The following DTWD2 variants were observed in gnomAD, a reference collection of about 807,000 sequenced individuals.
DTWD2 encodes tRNA-uridine aminocarboxypropyltransferase 2.
A neutral mutation model predicts 31.8 loss-of-function variants in DTWD2; 39 were observed. The observed-to-expected ratio is 1.22, with a 90% CI of 0.95 to 1.60. The LOEUF (loss-of-function observed/expected upper bound fraction) is 1.60, where lower values mean the gene tolerates loss of function less well. Among genes scored for constraint, DTWD2 ranks in the 40% most tolerant of loss-of-function variants. DTWD2 has a pLI of 0.00. For missense variants in DTWD2, 515 were observed against 381.5 expected (o/e 1.35, Z -2.92); for synonymous variants, 180 against 142.8 (o/e 1.26, Z -1.86).
At chr5:118,938,208 C>T (rs1006234275) in intron 3 of DTWD2, among the ~76,000 whole-genome samples, 3 of 150,832 alleles carry the variant, frequency 2.0e-5, no homozygotes, top group African/African-American at 7.3e-5. Flanking sequence ...TATTGCAATG[C>T]GGCAAGGAAA....
chr5:118,987,736 G>A (rs1580459693), intron 1 of DTWD2, among the ~76,000 whole-genome samples: 1 of 152,196 alleles, frequency 6.6e-6, no homozygotes, highest in Non-Finnish European at 1.5e-5. Context: ...CTGGTGTTCC[G>A]AAGAAAGGTC....
chr5:118,923,061 C>T (rs887293684), intron 4 of DTWD2, among the ~76,000 whole-genome samples: 1 of 151,416 alleles, frequency 6.6e-6, no homozygotes, highest in Non-Finnish European at 1.5e-5. Context: ...CAATTTATAA[C>T]ACTGGGAAAA....
chr5:118,929,561 T>A (rs1280439846), intron 3 of DTWD2, among the ~76,000 whole-genome samples: 1 of 152,142 alleles, frequency 6.6e-6, no homozygotes, highest in Non-Finnish European at 1.5e-5. Flanking sequence ...TCTGCTGTGA[T>A]TCTGGGGACT....
intron 1 of DTWD2, among the ~76,000 whole-genome samples, chr5:118,951,698 G>A (rs1754469299): frequency 1.3e-5 from 2 of 152,128 alleles, no homozygotes; most frequent in Non-Finnish European, 2.9e-5. Flanking sequence ...AGAAGAAGGA[G>A]GAATGGAGGG....
intron 4 of DTWD2, among the ~76,000 whole-genome samples, chr5:118,911,853 G>C (rs1024079226): frequency 1.3e-5 from 2 of 152,126 alleles, no homozygotes; most frequent in African/African-American, 4.8e-5. Flanking sequence ...TGGCAAGATG[G>C]CCATCAGCAA....
intron 4 of DTWD2, among the ~76,000 whole-genome samples, chr5:118,876,905 C>T (rs1752633517): frequency 6.6e-6 from 1 of 152,172 alleles, no homozygotes; most frequent in Non-Finnish European, 1.5e-5. Flanking sequence ...GATACCAAAA[C>T]CTGGCAGAGA....
intron 1 of DTWD2, among the ~76,000 whole-genome samples, chr5:118,985,086 C>G (rs987694611): frequency 2.6e-5 from 4 of 152,002 alleles, no homozygotes; most frequent in African/African-American, 9.7e-5. Context: ...TTTTGCCCTT[C>G]CTGGGGCAAC....
intron 4 of DTWD2, among the ~76,000 whole-genome samples, chr5:118,898,857 T>G (rs1480975434): frequency 6.6e-6 from 1 of 152,236 alleles, no homozygotes; most frequent in Non-Finnish European, 1.5e-5. Flanking sequence ...CTTAGCCTAC[T>G]TGCACACTTG....
intron 4 of DTWD2, among the ~76,000 whole-genome samples, chr5:118,925,735 C>G (rs189908611): frequency 6.6e-6 from 1 of 151,786 alleles, no homozygotes; most frequent in African/African-American, 2.4e-5. Context: ...GTCCCAGCTA[C>G]TCAGGAGGCT....
intron 4 of DTWD2, among the ~76,000 whole-genome samples, chr5:118,921,098 C>T (rs948969185): frequency 2.6e-5 from 4 of 152,078 alleles, no homozygotes; most frequent in Admixed American, 6.6e-5. Flanking sequence ...AATGTTCCTT[C>T]AAGTTAACTC....
chr5:118,958,375 G>A (rs967881222), intron 1 of DTWD2, among the ~76,000 whole-genome samples: 1 of 151,908 alleles, frequency 6.6e-6, no homozygotes, highest in Non-Finnish European at 1.5e-5. Flanking sequence ...GGAGAATGGC[G>A]TGAATCCGGG....
At chr5:118,932,708 C>CATAT (rs1248685892) in intron 3 of DTWD2, among the ~76,000 whole-genome samples, 1 of 152,098 alleles carries the variant, frequency 6.6e-6, no homozygotes, top group East Asian at 1.9e-4. Flanking sequence ...GAGGGACAAC[C>CATAT]ATATGAACAG....
At chr5:118,907,341 A>G (rs1753355133) in intron 4 of DTWD2, among the ~76,000 whole-genome samples, 1 of 152,122 alleles carries the variant, frequency 6.6e-6, no homozygotes, top group Non-Finnish European at 1.5e-5. Context: ...CTATTAGGAT[A>G]TATATAGAGA....
intron 1 of DTWD2, among the ~76,000 whole-genome samples, chr5:118,952,812 A>G (rs1754495683): frequency 6.6e-6 from 1 of 152,206 alleles, no homozygotes; most frequent in Non-Finnish European, 1.5e-5. Flanking sequence ...CACATTGCTT[A>G]TGCTCCAAGA....
intron 4 of DTWD2, among the ~76,000 whole-genome samples, chr5:118,884,947 G>A (rs1332738804): frequency 7.5e-6 from 1 of 133,480 alleles, no homozygotes; most frequent in Admixed American, 8.6e-5. Flanking sequence ...AGTGAGCCGA[G>A]ACTACGCCAC....
chr5:118,898,064 C>T (rs1233806645), intron 4 of DTWD2, among the ~76,000 whole-genome samples: 2 of 151,648 alleles, frequency 1.3e-5, no homozygotes, highest in African/African-American at 2.4e-5. Flanking sequence ...GGGTTTTTGC[C>T]GTGTTGCCCA....
intron 1 of DTWD2, among the ~76,000 whole-genome samples, chr5:118,969,202 G>A (rs1754924933): frequency 6.6e-6 from 1 of 152,052 alleles, no homozygotes; most frequent in Admixed American, 6.6e-5. Flanking sequence ...AGGGGCGGGG[G>A]GGAAGCGGTG....
intron 4 of DTWD2, among the ~76,000 whole-genome samples, chr5:118,884,430 A>G (rs1752810564): frequency 1.3e-5 from 2 of 152,252 alleles, no homozygotes; most frequent in African/African-American, 4.8e-5. Flanking sequence ...CTAGAAGATA[A>G]TTCCATGTCA....
At chr5:118,907,346 T>G (rs538522934) in intron 4 of DTWD2, among the ~76,000 whole-genome samples, 74 of 152,068 alleles carry the variant, frequency 4.9e-4, no homozygotes, top group South Asian at 3.5e-3. Flanking sequence ...AGGATATATA[T>G]AGAGAGAGAG....
Sources: gnomAD v4.1 joint callset for allele counts (sites outside exome capture counted in the v4.1 genomes callset) on GRCh38, gnomAD v4.1.1 for gene constraint, MANE v1.5 for transcripts, NCBI Gene and HGNC (gene_info 2026-07-23, HGNC 2026-07-21) for gene names.